Variants in ABCC4 observed in about 807,000 individuals in gnomAD.
ABCC4 encodes ATP binding cassette subfamily C member 4 (PEL blood group), also known as ATP-binding cassette sub-family C member 4.
Under a neutral mutation model 168.5 loss-of-function variants are expected in ABCC4, and 102 were observed. That is an observed-to-expected ratio of 0.61 (90% CI 0.52 to 0.71). ABCC4 has a LOEUF of 0.71. Among genes scored for constraint, ABCC4 ranks in the 30% least tolerant of loss-of-function variants. The pLI, the probability that ABCC4 is intolerant of heterozygous loss-of-function variation, is 0.00. For missense variants in ABCC4, 1,402 were observed against 1,605.8 expected (o/e 0.87, Z 2.17); for synonymous variants, 617 against 590.7 (o/e 1.04, Z -0.65).
chr13:95,063,788 T>C (rs570400480), intron 25 of ABCC4, among the ~76,000 whole-genome samples: 2 of 152,350 alleles, frequency 1.3e-5, no homozygotes, highest in African/African-American at 4.8e-5. Flanking sequence ...TTGTAAAAAC[T>C]GGCTTTCACA....
At chr13:95,166,624 G>A (rs1365793353) in intron 14 of ABCC4, among the ~76,000 whole-genome samples, 1 of 152,192 alleles carries the variant, frequency 6.6e-6, no homozygotes, top group African/African-American at 2.4e-5. Context: ...TTATCACACA[G>A]ATGTTGGTGA....
chr13:95,177,744 C>T lies in ABCC4; in HGVS notation c.1690G>A (p.Ala564Thr), dbSNP rs150633056. ...DIYLLDDPLS[A>T]VDAEVSRHLF... is the part of the protein sequence containing the mutation. The stretch of plus-strand genomic sequence containing the variant: ...TGTCTGCTAACTTCCGCATCTACTG[C>T]ACTGAGAGGATCGTCCAGGAGATAG... The change falls in exon 13 of 31, where the codon GCA becomes ACA. Residue 564 changes from alanine to threonine, a missense_variant. By Grantham distance (58) the Ala-to-Thr change is moderately conservative. Around this residue, in one of 3 missense-constraint regions of ABCC4, gnomAD observed 1,007 missense variants for 1,127.3 expected, o/e 0.89. Coordinates refer to ENST00000645237, the MANE Select transcript of ABCC4 (RefSeq NM_005845.5). The T allele has an allele frequency of 2.5e-5, 41 of 1,612,008 alleles. No individual in the cohort carries two copies. Among genetic ancestry groups the T allele is most frequent in the Non-Finnish European group, 3.5e-5 (41 of 1,178,288 alleles).
At chr13:95,256,337 C>G (rs546884898) in intron 1 of ABCC4, among the ~76,000 whole-genome samples, 1 of 152,178 alleles carries the variant, frequency 6.6e-6, no homozygotes, top group Non-Finnish European at 1.5e-5. Context: ...AAGGATCTGA[C>G]GACTAGCCAG....
chr13:95,193,894 G>A (rs74105455), intron 9 of ABCC4, among the ~76,000 whole-genome samples: 13,642 of 152,212 alleles, frequency 0.09, 631 homozygotes, highest in East Asian at 0.1. Flanking sequence ...AGACCCAATC[G>A]GACCATGCCT....
At chr13:95,125,116 G>C (rs895038254) in intron 19 of ABCC4, among the ~76,000 whole-genome samples, 5 of 152,100 alleles carry the variant, frequency 3.3e-5, no homozygotes, top group African/African-American at 1.2e-4. Context: ...CTCAGAGACA[G>C]TAAGAAATTA....
At chr13:95,170,307 C>A in intron 14 of ABCC4, 1 of 412,144 alleles carries the variant, frequency 2.4e-6, no homozygotes, top group Non-Finnish European at 4.3e-6. Flanking sequence ...ATTAAAACAG[C>A]ATCATTTTCT....
intron 29 of ABCC4, among the ~76,000 whole-genome samples, chr13:95,041,243 C>T (rs756532126): frequency 3.3e-4 from 50 of 152,298 alleles, no homozygotes; most frequent in South Asian, 1.2e-3. Context: ...ACTGGGAGAA[C>T]ATCTTCATAA....
At chr13:95,044,827 A>T (rs2032510121) in intron 27 of ABCC4, among the ~76,000 whole-genome samples, 1 of 152,236 alleles carries the variant, frequency 6.6e-6, no homozygotes, top group South Asian at 2.1e-4. Flanking sequence ...TAGTTAAAAG[A>T]TTACAGAAAT....
intron 30 of ABCC4, among the ~76,000 whole-genome samples, chr13:95,026,402 T>C (rs2031546696): frequency 6.6e-6 from 1 of 151,584 alleles, no homozygotes; most frequent in Admixed American, 6.6e-5. Context: ...AAGGAGAAAA[T>C]AGCTTTACAA....
At chr13:95,264,686 C>T (rs193160410) in intron 1 of ABCC4, among the ~76,000 whole-genome samples, 39 of 152,092 alleles carry the variant, frequency 2.6e-4, no homozygotes, top group African/African-American at 8.0e-4. Context: ...GAAATATGAG[C>T]GCTAAATACA....
At chr13:95,025,095 GAC>G (rs1052033389) in intron 30 of ABCC4, among the ~76,000 whole-genome samples, 1 of 151,588 alleles carries the variant, frequency 6.6e-6, no homozygotes, top group African/African-American at 2.4e-5. Context: ...CCTGACAGAA[GAC>G]AGATTGCAAT....
chr13:95,129,418 T>G (rs1178965457), intron 19 of ABCC4, among the ~76,000 whole-genome samples: 1 of 152,214 alleles, frequency 6.6e-6, no homozygotes, highest in Non-Finnish European at 1.5e-5. Context: ...TTGGTCTTTG[T>G]GTATTATTTT....
chr13:95,283,600 G>A (rs955363503), intron 1 of ABCC4, among the ~76,000 whole-genome samples: 1 of 152,060 alleles, frequency 6.6e-6, no homozygotes, highest in Non-Finnish European at 1.5e-5. Context: ...AGCATCTCAT[G>A]CTGAGTGGCA....
intron 25 of ABCC4, among the ~76,000 whole-genome samples, chr13:95,064,297 T>TATATACAC (rs1555306881): frequency 9.1e-4 from 95 of 104,778 alleles, no homozygotes; most frequent in Non-Finnish European, 1.5e-3. Context: ...TATATATATA[T>TATATACAC]ACACACACAC....
intron 20 of ABCC4, among the ~76,000 whole-genome samples, chr13:95,115,273 G>T (rs1276765270): frequency 1.4e-5 from 2 of 146,056 alleles, no homozygotes; most frequent in East Asian, 2.0e-4. Context: ...AGGATTGTTG[G>T]TTTTTTTTTT....
intron 13 of ABCC4, among the ~76,000 whole-genome samples, chr13:95,175,296 C>CT (rs1460200745): frequency 6.6e-6 from 1 of 151,986 alleles, no homozygotes; most frequent in Non-Finnish European, 1.5e-5. Context: ...AACAGAGAAC[C>CT]TTTTTTAAAA....
At chr13:95,135,255 T>G (rs1418872928) in intron 19 of ABCC4, among the ~76,000 whole-genome samples, 2 of 152,104 alleles carry the variant, frequency 1.3e-5, no homozygotes, top group Non-Finnish European at 2.9e-5. Flanking sequence ...CATATTTAAT[T>G]TAGACTCGTA....
chr13:95,116,108 T>A (rs2296652), intron 19 of ABCC4, 107 bp from the exon 20 acceptor site: 10 of 703,106 alleles, frequency 1.4e-5, no homozygotes, highest in Non-Finnish European at 2.3e-5. Flanking sequence ...ATGTATTTAA[T>A]ATATTATTCA....
At chr13:95,171,342 A>G (rs1172398649) in intron 13 of ABCC4, among the ~76,000 whole-genome samples, 1 of 151,936 alleles carries the variant, frequency 6.6e-6, no homozygotes, top group East Asian at 1.9e-4. Context: ...TTTGTTTTCT[A>G]CGGTACCCAC....
Sources: allele counts gnomAD v4.1 joint callset (sites outside exome capture counted in the v4.1 genomes callset), GRCh38; gene constraint gnomAD v4.1.1; regional missense constraint gnomAD v4.1.1; transcripts MANE v1.5; gene names NCBI Gene and HGNC (gene_info 2026-07-23, HGNC 2026-07-21).